SCNN1B: variants seen among roughly 807,000 people sequenced by gnomAD.
SCNN1B encodes sodium channel epithelial 1 subunit beta.
A neutral mutation model predicts 65.3 loss-of-function variants in SCNN1B; 46 were observed. The observed-to-expected ratio is 0.70, with a 90% CI of 0.56 to 0.90. The LOEUF is 0.90. Ranked by LOEUF, SCNN1B falls within the 40% of genes least tolerant of loss-of-function variation. SCNN1B has a pLI of 0.00. For synonymous variants in SCNN1B, 349 were observed against 330.6 expected, an observed-to-expected ratio of 1.06 and a Z score of -0.60; for missense variants, 751 against 830.5, an observed-to-expected ratio of 0.90 and a Z score of 1.18.
At chr16:23,365,595 A>AAGAC (rs1167134304) in intron 4 of SCNN1B, among the ~76,000 whole-genome samples, 3 of 58,398 alleles carry the variant, frequency 5.1e-5, no homozygotes, top group African/African-American at 2.1e-4. Context: ...AAGAGAAAGA[A>AAGAC]AGAAAGAAAG....
intron 1 of SCNN1B, among the ~76,000 whole-genome samples, chr16:23,324,354 A>G (rs895438415): frequency 1.3e-5 from 2 of 151,570 alleles, no homozygotes; most frequent in African/African-American, 4.9e-5. Context: ...CACCCAACTA[A>G]TTTCTTTTGT....
intron 1 of SCNN1B, among the ~76,000 whole-genome samples, chr16:23,305,982 C>T (rs1205269588): frequency 3.9e-5 from 6 of 152,142 alleles, no homozygotes. Flanking sequence ...GTGGCTCACG[C>T]CTGTAATCCC....
chr16:23,305,746 C>G (rs1277797157), intron 1 of SCNN1B, among the ~76,000 whole-genome samples: 1 of 149,216 alleles, frequency 6.7e-6, no homozygotes, highest in Non-Finnish European at 1.5e-5. Flanking sequence ...GACCCTGCCT[C>G]AAAAAAGGAA....
Position 23,293,114 on chromosome 16 carries a change from C to CAAAAAAAAAAAA in SCNN1B, n.178+9327_178+9338dup, listed in dbSNP as rs1191618996. On this transcript the variant is annotated intron_variant and non_coding_transcript_variant, in intron 2 of 3. Coordinates refer to the SCNN1B transcript ENST00000569789. ...TGGGCAATACAGGGAGACTCATTCT[C>CAAAAAAAAAAAA]AAAAAAAAAAAAAAAAAAAAAAAAA... Among the ~76,000 whole-genome samples, 226 of 34,178 alleles carry CAAAAAAAAAAAA rather than the reference C, an allele frequency of 6.6e-3. 32 individuals are homozygous for CAAAAAAAAAAAA. The highest frequency in any genetic ancestry group is 0.012 in the Non-Finnish European group (196 of 15,854). The allele number at this position is 34,178 out of a possible 152,430, so 22.4% of individuals were successfully genotyped here. A position where few individuals can be genotyped will look rare whatever the true frequency, so the allele number is the denominator to read the frequency against.
At chr16:23,298,467 G>A (rs1175325067), upstream of SCNN1B, among the ~76,000 whole-genome samples, 3 of 152,204 alleles carry the variant, frequency 2.0e-5, no homozygotes, top group African/African-American at 7.2e-5. Context: ...AGGTTATTCA[G>A]AGATAGCTAG....
chr16:23,358,984 T>G (rs1962478142), intron 4 of SCNN1B, among the ~76,000 whole-genome samples: 1 of 152,248 alleles, frequency 6.6e-6, no homozygotes, highest in African/African-American at 2.4e-5. Flanking sequence ...TACTGGGCCT[T>G]TCTCGTCCCT....
In SCNN1B at chr16:23,348,239, T is replaced by G. The variant is rs984938438; in HGVS notation, c.-8-353T>G. Among the ~76,000 whole-genome samples, 6 of 152,194 alleles carry G rather than the reference T, an allele frequency of 3.9e-5. No homozygotes were observed. Among genetic ancestry groups the G allele is most frequent in the Non-Finnish European group, 7.3e-5 (5 of 68,034 alleles). ...TGAGGACTTGCTATACCACATTTTATGCACAGAGAACCTGAGTTGAGAGTT... is the reference window on the plus strand; with the variant it reads ...TGAGGACTTGCTATACCACATTTTAGGCACAGAGAACCTGAGTTGAGAGTT... On this transcript the variant is annotated intron_variant, in intron 1 of 12. Coordinates refer to ENST00000343070, the MANE Select transcript of SCNN1B (RefSeq NM_000336.3). This position sits in a 1 kb window ranked among gnomAD's most constrained non-coding sequence, Gnocchi z 4.5.
intron 2 of SCNN1B, among the ~76,000 whole-genome samples, chr16:23,350,862 G>A (rs893604077): frequency 1.4e-4 from 22 of 151,998 alleles, no homozygotes; most frequent in African/African-American, 5.1e-4. Flanking sequence ...GCAGTGAGCC[G>A]AGATCTCGCC....
At chr16:23,353,777 T>A (rs1962361360) in intron 3 of SCNN1B, among the ~76,000 whole-genome samples, 1 of 152,192 alleles carries the variant, frequency 6.6e-6, no homozygotes, top group South Asian at 2.1e-4. Context: ...TGCAGTACAG[T>A]CACATGCCAA....
chr16:23,294,865 C>T (rs529777544), intron 2 of SCNN1B, among the ~76,000 whole-genome samples: 46 of 151,898 alleles, frequency 3.0e-4, no homozygotes, highest in South Asian at 6.3e-4. Context: ...TGGTGGCGCG[C>T]GCCTGGAATC....
At chr16:23,352,644 A>G (rs376137359) in intron 2 of SCNN1B, among the ~76,000 whole-genome samples, 157 bp from the exon 3 acceptor site, 7 of 152,158 alleles carry the variant, frequency 4.6e-5, no homozygotes, top group African/African-American at 1.7e-4. Flanking sequence ...TAGAACTGTG[A>G]GTCAATTATA....
chr16:23,352,179 G>T (rs192426601), intron 2 of SCNN1B, among the ~76,000 whole-genome samples: 3 of 152,204 alleles, frequency 2.0e-5, no homozygotes, highest in East Asian at 3.8e-4. Context: ...CTACTGTATC[G>T]TCTGTGCCTT....
intron 3 of SCNN1B, among the ~76,000 whole-genome samples, chr16:23,353,537 G>A (rs1349728324): frequency 2.6e-5 from 4 of 152,202 alleles, no homozygotes; most frequent in African/African-American, 9.7e-5. Flanking sequence ...AAGGTCCTAA[G>A]AAGACTCATT....
chr16:23,368,087 G>A, intron 5 of SCNN1B, 128 bp downstream of exon 5: 1 of 799,458 alleles, frequency 1.3e-6, no homozygotes, highest in Admixed American at 1.9e-5. Flanking sequence ...AGGAGTGGCT[G>A]CTACCGAGGC....
intron 2 of SCNN1B, among the ~76,000 whole-genome samples, chr16:23,286,609 T>C (rs978583014): frequency 2.0e-5 from 3 of 152,164 alleles, no homozygotes; most frequent in African/African-American, 7.2e-5. Flanking sequence ...TAGCTTCTAG[T>C]TTATAGGAAA....
chr16:23,329,983 C>T (rs1961777383), intron 1 of SCNN1B, among the ~76,000 whole-genome samples: 1 of 150,530 alleles, frequency 6.6e-6, no homozygotes, highest in Non-Finnish European at 1.5e-5. Flanking sequence ...ATTGCGATTG[C>T]ACCACTGCAC....
intron 1 of SCNN1B, chr16:23,323,489 A>G: frequency 2.8e-6 from 2 of 702,220 alleles, no homozygotes; most frequent in Non-Finnish European, 2.6e-6. Context: ...TAGGTGCTTC[A>G]TATTTACAAT....
intron 1 of SCNN1B, among the ~76,000 whole-genome samples, chr16:23,279,924 A>AT (rs1407596221): frequency 6.6e-6 from 1 of 152,192 alleles, no homozygotes; most frequent in African/African-American, 2.4e-5. Context: ...TGCATCTGTC[A>AT]TGCCTACTAG....
intron 1 of SCNN1B, among the ~76,000 whole-genome samples, chr16:23,323,067 G>T (rs189466075): frequency 2.0e-5 from 3 of 151,950 alleles, no homozygotes; most frequent in African/African-American, 7.2e-5. Flanking sequence ...CACCATGGGC[G>T]CATGCCTGTA....
Sources: allele counts gnomAD v4.1 joint callset (sites outside exome capture counted in the v4.1 genomes callset), GRCh38; gene constraint gnomAD v4.1.1; non-coding constraint Gnocchi (gnomAD v3.1); transcripts MANE v1.5; gene names NCBI Gene and HGNC (gene_info 2026-07-23, HGNC 2026-07-21).